ABHD6: variants seen among roughly 807,000 people sequenced by gnomAD.
ABHD6 encodes abhydrolase domain containing 6, acylglycerol lipase, also known as monoacylglycerol lipase ABHD6.
Under a neutral mutation model 38.8 loss-of-function variants are expected in ABHD6, and 33 were observed. The ratio of observed to expected loss-of-function variants is 0.85; its 90% CI spans 0.64 to 1.14. The LOEUF (loss-of-function observed/expected upper bound fraction) is 1.14. Ranked by LOEUF, ABHD6 falls within the 50% of genes most tolerant of loss-of-function variation. ABHD6 has a pLI of 0.00. For missense variants in ABHD6, 380 were observed against 422.6 expected (o/e 0.90, Z 0.88); for synonymous variants, 147 against 161.6 (o/e 0.91, Z 0.69).
At position 58,256,891 on chromosome 3, in the gene ABHD6, C is replaced by G. The variant is rs763136461; in HGVS notation, c.119+186C>G. Among the ~76,000 whole-genome samples, 89 of 151,804 alleles carry G rather than the reference C, an allele frequency of 5.9e-4. No homozygotes were observed. The highest frequency in any genetic ancestry group is 1.1e-3 in the Non-Finnish European group (75 of 67,996). ...CTTGAAGAATATTACCAGATCAGTT[C>G]TTTCAGGTTTGTTTGTTTGTTTGTT... is the stretch of plus-strand genomic sequence containing the variant. On this transcript the variant is annotated intron_variant, in intron 3 of 9. Coordinates refer to ENST00000478253, the MANE Select transcript of ABHD6 (RefSeq NM_001320126.2). This position sits in a 1 kb window ranked among gnomAD's most constrained non-coding sequence, Gnocchi z 4.3.
At chr3:58,281,149 T>G (rs375265329) in intron 7 of ABHD6, among the ~76,000 whole-genome samples, 10 of 152,342 alleles carry the variant, frequency 6.6e-5, no homozygotes, top group African/African-American at 2.4e-4. Flanking sequence ...CAGGGACATT[T>G]AAGTCTGCAG....
intron 1 of ABHD6, among the ~76,000 whole-genome samples, chr3:58,239,025 C>T (rs908213095): frequency 2.0e-5 from 3 of 152,112 alleles, no homozygotes; most frequent in African/African-American, 7.2e-5. Flanking sequence ...CACCGCTGTG[C>T]CCATTCCTGA....
intron 3 of ABHD6, among the ~76,000 whole-genome samples, chr3:58,261,469 G>A (rs2097436905): frequency 6.6e-6 from 1 of 152,078 alleles, no homozygotes; most frequent in Non-Finnish European, 1.5e-5. Flanking sequence ...TACCTCCCAG[G>A]CTCAAGTGAT....
chr3:58,286,864 ATATATG>A lies in ABHD6; in HGVS notation c.837+1423_837+1428del, dbSNP rs1559784496. On this transcript the variant is annotated intron_variant, in intron 9 of 9. Transcript: ENST00000478253. ...TGTGTGTGTGTGTGTATATATATAT[ATATATG>A]TATATGTATATATAAGTAGGTATCT... 9.0e-5 allele frequency among the ~76,000 whole-genome samples: 11 copies of A among 121,998 alleles called. 4 individuals are homozygous for A. The highest frequency in any genetic ancestry group is 1.4e-4 in the Non-Finnish European group (8 of 57,480). 80.0% of individuals were successfully genotyped at this position (121,998 alleles called of 152,430 possible). A position where few individuals can be genotyped will look rare whatever the true frequency, so the allele number is the denominator to read the frequency against.
chr3:58,240,896 A>G (rs2097422338), intron 1 of ABHD6, among the ~76,000 whole-genome samples: 1 of 151,814 alleles, frequency 6.6e-6, no homozygotes, highest in Non-Finnish European at 1.5e-5. Flanking sequence ...ACGCCTGGCT[A>G]ATTTTGTATT....
chr3:58,247,728 C>G (rs538585569), intron 1 of ABHD6, among the ~76,000 whole-genome samples: 7 of 152,296 alleles, frequency 4.6e-5, no homozygotes, highest in Admixed American at 2.0e-4. Context: ...GCGCACACCA[C>G]CACGCCTGGC....
chr3:58,251,443 G>T lies in ABHD6; in HGVS notation c.-26+1501G>T, dbSNP rs1179994694. Among the ~76,000 whole-genome samples the T allele has an allele frequency of 6.6e-6, 1 of 152,154 alleles. No homozygotes were observed. Among genetic ancestry groups the T allele is most frequent in the African/African-American group, 2.4e-5 (1 of 41,434 alleles). On this transcript the variant is annotated intron_variant, in intron 2 of 9. Coordinates refer to ENST00000478253, the MANE Select transcript of ABHD6 (RefSeq NM_001320126.2). This position sits in a 1 kb window ranked among gnomAD's most constrained non-coding sequence, Gnocchi z 5.4. ...CTTGGATTTTACTTTATACCCTGAA[G>T]ACTAAGATATTGGAACTCAAGATCC...
intron 3 of ABHD6, among the ~76,000 whole-genome samples, chr3:58,260,900 G>C (rs542464720): frequency 3.3e-5 from 5 of 152,240 alleles, no homozygotes; most frequent in African/African-American, 1.2e-4. Context: ...GCCACAGCAA[G>C]TCTTCAGAGC....
Position 58,285,940 on chromosome 3 carries a change from C to T in ABHD6, c.837+487C>T, listed in dbSNP as rs915257752. 1.4e-4 allele frequency among the ~76,000 whole-genome samples: 21 copies of T among 151,902 alleles called. No individual in the cohort carries two copies. Among genetic ancestry groups the T allele is most frequent in the African/African-American group, 4.8e-4 (20 of 41,350 alleles). ...GCAACTTCTGCCTCCCAGGTTCAAG[C>T]GATTCTCCTGCCTCAGCCTCCCAAG... On this transcript the variant is annotated intron_variant, in intron 9 of 9. Transcript: ENST00000478253. The surrounding 1 kb of genome is among the most constrained non-coding windows in gnomAD (Gnocchi z 4.9).
At chr3:58,264,389 ACACACACACAC>A (rs2097439308) in intron 3 of ABHD6, among the ~76,000 whole-genome samples, 1 of 10,840 alleles carries the variant, frequency 9.2e-5, no homozygotes, top group Admixed American at 8.9e-4. Context: ...ATATAAACGC[ACACACACACAC>A]ACACACACAC....
intron 7 of ABHD6, among the ~76,000 whole-genome samples, chr3:58,281,674 G>C (rs1208389966): frequency 6.6e-6 from 1 of 152,216 alleles, no homozygotes; most frequent in African/African-American, 2.4e-5. Context: ...CGCCTTCTGC[G>C]TTGATCACGC....
rs181594182 is a variant in ABHD6 at position 58,290,442 on chromosome 3, C to A, written c.838-3147C>A. ...CTGGGCAGAGGCGCCCCTCACCTAC[C>A]GGATGGGGCGGCTGGCCGGGCGGGG... On this transcript the variant is annotated intron_variant, in intron 9 of 9. Transcript: ENST00000478253. Among the ~76,000 whole-genome samples the A allele has an allele frequency of 2.3e-5, 2 of 87,952 alleles. 1 individual carries two copies. The highest frequency in any genetic ancestry group is 4.6e-5 in the Non-Finnish European group (2 of 43,794). The allele number at this position is 87,952 out of a possible 152,430, so 57.7% of individuals were successfully genotyped here.
intron 9 of ABHD6, among the ~76,000 whole-genome samples, chr3:58,286,858 A>ATATATG (rs1297869649): frequency 3.7e-4 from 47 of 125,400 alleles, no homozygotes; most frequent in South Asian, 1.1e-3. Context: ...GTGTGTATAT[A>ATATATG]TATATATATA....
intron 1 of ABHD6, among the ~76,000 whole-genome samples, chr3:58,239,791 A>G (rs2097421540): frequency 1.3e-5 from 2 of 151,808 alleles, no homozygotes; most frequent in Admixed American, 1.3e-4. Flanking sequence ...GGTGAGGTCT[A>G]TCCTGGGGGC....
intron 7 of ABHD6, among the ~76,000 whole-genome samples, chr3:58,279,395 GT>G (rs2097451225): frequency 6.6e-6 from 1 of 151,256 alleles, no homozygotes. Flanking sequence ...TTTAAAGTCT[GT>G]TTTATCAGAG....
At position 58,287,513 on chromosome 3, in the gene ABHD6, A is replaced by G. The variant is rs2097458392; in HGVS notation, c.837+2060A>G. Among the ~76,000 whole-genome samples, 1 of 152,160 alleles carries G rather than the reference A, an allele frequency of 6.6e-6. No individual in the cohort carries two copies. The highest frequency in any genetic ancestry group is 2.1e-4 in the South Asian group (1 of 4,830). On this transcript the variant is annotated intron_variant, in intron 9 of 9. Transcript: ENST00000478253. This position sits in a 1 kb window ranked among gnomAD's most constrained non-coding sequence, Gnocchi z 4.7. ...GCCAGGCATGGTGAGGATTCACAGC[A>G]TGGTTTTGTGGACGTGGAGAGAAGG...
intron 1 of ABHD6, among the ~76,000 whole-genome samples, chr3:58,240,966 G>A (rs1193779567): frequency 6.6e-6 from 1 of 151,958 alleles, no homozygotes; most frequent in Non-Finnish European, 1.5e-5. Context: ...CCGACCTCAG[G>A]TGATCTGCCC....
At chr3:58,271,634 A>G (rs1015030532) in intron 6 of ABHD6, among the ~76,000 whole-genome samples, 3 of 152,002 alleles carry the variant, frequency 2.0e-5, no homozygotes, top group African/African-American at 7.2e-5. Context: ...GAAGTGTAAC[A>G]TGTTCTCCGA....
intron 9 of ABHD6, among the ~76,000 whole-genome samples, chr3:58,292,431 G>A (rs1041983256): frequency 6.6e-6 from 1 of 152,186 alleles, no homozygotes; most frequent in South Asian, 2.1e-4. Context: ...TTCTGAGGGA[G>A]GATGTTGGGG....
Sources: allele counts gnomAD v4.1 joint callset (sites outside exome capture counted in the v4.1 genomes callset), GRCh38; gene constraint gnomAD v4.1.1; non-coding constraint Gnocchi (gnomAD v3.1); transcripts MANE v1.5; gene names NCBI Gene and HGNC (gene_info 2026-07-23, HGNC 2026-07-21).